DLGAP2: variants seen among roughly 807,000 people sequenced by gnomAD.
DLGAP2 encodes disks large-associated protein 2.
Under a neutral mutation model 100.3 loss-of-function variants are expected in DLGAP2, and 26 were observed. The observed-to-expected ratio is 0.26, with a 90% CI of 0.19 to 0.36. DLGAP2 has a LOEUF of 0.36. Among genes scored for constraint, DLGAP2 ranks in the 10% least tolerant of loss-of-function variants. DLGAP2 has a pLI of 1.00. For missense variants in DLGAP2, 1,858 were observed against 1,453.2 expected, an observed-to-expected ratio of 1.28 and a Z score of -4.53; for synonymous variants, 886 against 630.1, an observed-to-expected ratio of 1.41 and a Z score of -6.08.
rs1012818110 is a variant in DLGAP2 at position 1,328,596 on chromosome 8, C to T, written c.106+69713C>T. 4.6e-5 allele frequency among the ~76,000 whole-genome samples: 7 copies of T among 152,174 alleles called. No individual in the cohort carries two copies. The East Asian group carries it at 1.4e-3, about 29-fold the overall frequency. ...GAACTCCTGACCTCAGGTGATCTGC[C>T]CGCCTTGGCCTCCTAAAGTGCTGGG... On this transcript the variant is annotated intron_variant, in intron 3 of 14. Transcript: ENST00000637795.
chr8:952,976 T>A (rs1296399611), intron 2 of DLGAP2, among the ~76,000 whole-genome samples: 1 of 152,082 alleles, frequency 6.6e-6, no homozygotes, highest in African/African-American at 2.4e-5. Context: ...GTTCTTTTGC[T>A]CATACATGAG....
At chr8:866,808 A>G (rs760600800) in intron 1 of DLGAP2, among the ~76,000 whole-genome samples, 6 of 152,124 alleles carry the variant, frequency 3.9e-5, no homozygotes, top group African/African-American at 1.2e-4. Context: ...GGGATTTGCC[A>G]TTCATTCCAG....
At chr8:960,666 G>C (rs1353589319) in intron 2 of DLGAP2, among the ~76,000 whole-genome samples, 1 of 152,176 alleles carries the variant, frequency 6.6e-6, no homozygotes, top group East Asian at 1.9e-4. Context: ...TTACTTATCT[G>C]ATAGATACTG....
intron 2 of DLGAP2, among the ~76,000 whole-genome samples, chr8:1,188,887 A>G (rs1446569568): frequency 6.6e-6 from 1 of 152,222 alleles, no homozygotes; most frequent in Admixed American, 6.5e-5. Context: ...CCAAATATAT[A>G]TGATGCCACA....
chr8:1,449,711 C>T (rs1416411335), intron 3 of DLGAP2, among the ~76,000 whole-genome samples: 2 of 152,202 alleles, frequency 1.3e-5, no homozygotes, highest in East Asian at 1.9e-4. Flanking sequence ...ATGACACCAG[C>T]TGCCAGGACA....
rs766478636 is a variant in DLGAP2, at chr8:1,617,093, C to T, written c.1443-9647C>T. 4.1e-4 allele frequency among the ~76,000 whole-genome samples: 62 copies of T among 152,214 alleles called. 1 individual carries two copies. In the Middle Eastern group the frequency reaches 0.024, roughly 59 times the overall value. ...TCTTTTTTATGGCTGCATAGTATTC[C>T]ACGGTGTACATGCACCACATTTTCT... On this transcript the variant is annotated intron_variant, in intron 6 of 14. Transcript: ENST00000637795.
At chr8:1,228,838 G>GTT (rs1798476007) in intron 2 of DLGAP2, among the ~76,000 whole-genome samples, 3 of 152,122 alleles carry the variant, frequency 2.0e-5, no homozygotes, top group Admixed American at 2.0e-4. Context: ...AATGGTTAAG[G>GTT]ACTGAAAATT....
intron 2 of DLGAP2, among the ~76,000 whole-genome samples, chr8:983,569 G>C (rs1800403827): frequency 1.3e-5 from 2 of 152,210 alleles, no homozygotes; most frequent in African/African-American, 2.4e-5. Context: ...TAACTTCCCT[G>C]AGACTCAGTT....
chr8:1,570,700 T>G (rs73529630), intron 6 of DLGAP2, among the ~76,000 whole-genome samples: 9,923 of 149,588 alleles, frequency 0.066, 395 homozygotes, highest in African/African-American at 0.11. Flanking sequence ...GGGTGTCTGA[T>G]GAGATGGAGA....
chr8:1,092,124 C>T (rs146088715), intron 2 of DLGAP2, among the ~76,000 whole-genome samples: 1 of 152,192 alleles, frequency 6.6e-6, no homozygotes, highest in East Asian at 1.9e-4. Context: ...CCGGTGTCTG[C>T]CCCTTCATAC....
chr8:1,379,364 C>T (rs986163811), intron 3 of DLGAP2, among the ~76,000 whole-genome samples: 1 of 152,252 alleles, frequency 6.6e-6, no homozygotes, highest in African/African-American at 2.4e-5. Flanking sequence ...ACAGCCGCCC[C>T]ACACGGCACG....
At chr8:964,463 C>G (rs1214734137) in intron 2 of DLGAP2, among the ~76,000 whole-genome samples, 1 of 152,252 alleles carries the variant, frequency 6.6e-6, no homozygotes, top group African/African-American at 2.4e-5. Context: ...TTATTCAAAG[C>G]CTATCGTAAG....
chr8:868,664 C>T (rs1040820146), intron 1 of DLGAP2, among the ~76,000 whole-genome samples: 2 of 152,202 alleles, frequency 1.3e-5, no homozygotes, highest in African/African-American at 2.4e-5. Flanking sequence ...CAAGGGTGCG[C>T]GGCACCTTGA....
At chr8:1,162,656 G>A (rs1796914096) in intron 2 of DLGAP2, among the ~76,000 whole-genome samples, 1 of 152,194 alleles carries the variant, frequency 6.6e-6, no homozygotes. Flanking sequence ...AGTGTTTTCT[G>A]GATATATTTT....
intron 3 of DLGAP2, among the ~76,000 whole-genome samples, chr8:1,433,803 T>G (rs1204348456): frequency 1.3e-5 from 2 of 149,844 alleles, no homozygotes; most frequent in Non-Finnish European, 3.0e-5. Context: ...AGGTCATATT[T>G]GTAGGAATCC....
At chr8:1,027,831 T>C (rs369080731) in intron 2 of DLGAP2, among the ~76,000 whole-genome samples, 42 of 66,798 alleles carry the variant, frequency 6.3e-4, no homozygotes, top group Admixed American at 1.2e-3. Context: ...AGGTGGGGTG[T>C]CAGGCGCCCG....
chr8:1,100,023 T>G (rs1042681128), intron 2 of DLGAP2, among the ~76,000 whole-genome samples: 3 of 152,226 alleles, frequency 2.0e-5, no homozygotes, highest in Non-Finnish European at 4.4e-5. Context: ...AAGTCATAAG[T>G]TTTGAATTGC....
intron 1 of DLGAP2, among the ~76,000 whole-genome samples, chr8:773,221 T>G (rs865945594): frequency 1.3e-5 from 2 of 152,192 alleles, no homozygotes; most frequent in Non-Finnish European, 2.9e-5. Flanking sequence ...GGCAGACAGC[T>G]GATTTCTCAC....
chr8:1,501,421 G>C lies in DLGAP2; in HGVS notation c.162G>C (p.Glu54Asp), dbSNP rs1257376824. The C allele has an allele frequency of 1.3e-6, 2 of 1,535,676 alleles. No homozygotes were observed. Among genetic ancestry groups the C allele is most frequent in the African/African-American group, 2.7e-5 (2 of 73,030 alleles). The change falls in exon 4 of 15, where the codon GAG becomes GAC. Residue 54 changes from glutamate (E) to aspartate (D), a missense_variant. Coordinates refer to ENST00000637795, the MANE Select transcript of DLGAP2 (RefSeq NM_001346810.2). ...QPGISFPGPAEEDLDPQYSWS... is the reference protein window; with the variant it reads ...QPGISFPGPADEDLDPQYSWS... ...GCATCAGCTTTCCGGGGCCGGCAGA[G>C]GAGGATCTAGGTAGAGTACAGACGT...
Sources: gnomAD v4.1 joint callset for allele counts (sites outside exome capture counted in the v4.1 genomes callset) on GRCh38, gnomAD v4.1.1 for gene constraint, MANE v1.5 for transcripts, NCBI Gene and HGNC (gene_info 2026-07-23, HGNC 2026-07-21) for gene names.